Variants in PXK observed in about 807,000 individuals in gnomAD.
PXK encodes PX domain-containing protein kinase-like protein.
Under a neutral mutation model 84.7 loss-of-function variants are expected in PXK, and 35 were observed. That is an observed-to-expected ratio of 0.41 (90% CI 0.32 to 0.55). The LOEUF is 0.55. Among genes scored for constraint, PXK ranks in the 20% least tolerant of loss-of-function variants. The probability of loss-of-function intolerance (pLI) is 0.21; values close to 1 mark genes in which losing one functional copy is unlikely to be tolerated. For missense variants in PXK, 634 were observed against 699.7 expected, an observed-to-expected ratio of 0.91 and a Z score of 1.06; for synonymous variants, 253 against 260.8, an observed-to-expected ratio of 0.97 and a Z score of 0.29.
At chr3:58,424,655 G>C in intron 17 of PXK, 97 bp from the exon 18 acceptor site, 3 of 1,475,944 alleles carry the variant, frequency 2.0e-6, no homozygotes, top group Non-Finnish European at 2.7e-6. Context: ...AAAAACATGT[G>C]GACTCTCACC....
At chr3:58,356,115 G>A (rs907728604) in intron 1 of PXK, among the ~76,000 whole-genome samples, 5 of 152,154 alleles carry the variant, frequency 3.3e-5, no homozygotes, top group Admixed American at 2.6e-4. Flanking sequence ...CAGAAATCAC[G>A]TGGTCCTGGT....
intron 1 of PXK, among the ~76,000 whole-genome samples, chr3:58,365,064 T>C (rs2108421539): frequency 6.6e-6 from 1 of 151,950 alleles, no homozygotes; most frequent in African/African-American, 2.4e-5. Flanking sequence ...TTTGAGTGTA[T>C]TACGCTCTTC....
chr3:58,410,105 G>C lies in PXK; in HGVS notation c.1411G>C (p.Ala471Pro), dbSNP rs749273803. The change falls in exon 16 of 18, where the codon GCT becomes CCT. Residue 471 changes from alanine to proline, a missense_variant. Physicochemically the swap from Ala to Pro is conservative, Grantham distance 27 (BLOSUM62 -1). Around this residue, in one of 3 missense-constraint regions of PXK, gnomAD observed 273 missense variants for 283.6 expected, o/e 0.96. Coordinates refer to ENST00000356151, the MANE Select transcript of PXK (RefSeq NM_017771.5). ...ILARKKSKRS[A>P]LENSEEHSAK... ...ATTCTTAAAGAAGTCAAAACGATCTGCTCTTGAAAATAGTGAAGAGCATTC... is the reference window on the plus strand; with the variant it reads ...ATTCTTAAAGAAGTCAAAACGATCTCCTCTTGAAAATAGTGAAGAGCATTC... The C allele has an allele frequency of 9.4e-6, 15 of 1,597,118 alleles. No homozygotes were observed. In the Admixed American group the frequency reaches 1.2e-4, roughly 12 times the overall value.
intron 2 of PXK, among the ~76,000 whole-genome samples, chr3:58,367,840 G>A (rs1248231179): frequency 6.6e-6 from 1 of 152,046 alleles, no homozygotes; most frequent in East Asian, 1.9e-4. Context: ...GTGCCACTAT[G>A]CCCAACTAAT....
chr3:58,335,310 A>G (rs2097574510), intron 1 of PXK, among the ~76,000 whole-genome samples: 1 of 152,156 alleles, frequency 6.6e-6, no homozygotes, highest in African/African-American at 2.4e-5. Context: ...AAACTGTAGC[A>G]TTGTCTTGCG....
intron 1 of PXK, among the ~76,000 whole-genome samples, chr3:58,338,077 C>T (rs1365468984): frequency 2.6e-5 from 4 of 152,056 alleles, no homozygotes; most frequent in African/African-American, 7.2e-5. Flanking sequence ...CGTGGTGGCT[C>T]GCACTTGTAA....
chr3:58,385,116 T>C lies in PXK; in HGVS notation c.388+2416T>C, dbSNP rs1358132576. On this transcript the variant is annotated intron_variant, in intron 4 of 17. Transcript: ENST00000356151. This position sits in a 1 kb window ranked among gnomAD's most constrained non-coding sequence, Gnocchi z 5.1. Reference sequence around the variant, plus strand: ...CCCCACATGCTGTTGTTGTCTTTGATCTCTACTCCCCCTCCCCACCCCCAG... The same window carrying C: ...CCCCACATGCTGTTGTTGTCTTTGACCTCTACTCCCCCTCCCCACCCCCAG... Among the ~76,000 whole-genome samples, 1 of 152,140 alleles carries C rather than the reference T, an allele frequency of 6.6e-6. No individual in the cohort carries two copies. Among genetic ancestry groups the C allele is most frequent in the Non-Finnish European group, 1.5e-5 (1 of 68,028 alleles).
At chr3:58,408,817 C>A in intron 13 of PXK, 107 bp from the exon 14 acceptor site, 1 of 857,584 alleles carries the variant, frequency 1.2e-6, no homozygotes, top group South Asian at 1.5e-5. Context: ...CCACCGCGCC[C>A]GGCCGAAATG....
At chr3:58,340,660 G>A (rs2097713247) in intron 1 of PXK, among the ~76,000 whole-genome samples, 1 of 151,922 alleles carries the variant, frequency 6.6e-6, no homozygotes, top group South Asian at 2.1e-4. Flanking sequence ...AGGAAGTGGA[G>A]ATTGTAGTGA....
chr3:58,356,674 G>T (rs1220918817), intron 1 of PXK, among the ~76,000 whole-genome samples: 1 of 151,650 alleles, frequency 6.6e-6, no homozygotes, highest in Non-Finnish European at 1.5e-5. Context: ...TGCAATCTCG[G>T]CTCACCACAA....
At chr3:58,349,075 A>T (rs1246197689) in intron 1 of PXK, among the ~76,000 whole-genome samples, 1 of 152,050 alleles carries the variant, frequency 6.6e-6, no homozygotes, top group Non-Finnish European at 1.5e-5. Context: ...AGATACAGAC[A>T]TTAAAAATAT....
At chr3:58,423,444 T>C in intron 17 of PXK, 2 of 1,526,998 alleles carry the variant, frequency 1.3e-6, no homozygotes, top group Non-Finnish European at 1.8e-6. Flanking sequence ...TGTATTTGTG[T>C]GATTCTTTAA....
chr3:58,385,219 C>T lies in PXK; in HGVS notation c.388+2519C>T, dbSNP rs1050507682. ...TAAAAAGACCACCAGAAACTCCTGC[C>T]GGAACCTGTGCTGGCTGCTATTCAG... On this transcript the variant is annotated intron_variant, in intron 4 of 17. Coordinates refer to ENST00000356151, the MANE Select transcript of PXK (RefSeq NM_017771.5). The surrounding 1 kb of genome is among the most constrained non-coding windows in gnomAD (Gnocchi z 5.1). 7.2e-5 allele frequency among the ~76,000 whole-genome samples: 11 copies of T among 152,140 alleles called. No homozygotes were observed. Among genetic ancestry groups the T allele is most frequent in the Non-Finnish European group, 1.5e-4 (10 of 68,016 alleles).
At position 58,425,966 on chromosome 3, in the gene PXK, T is replaced by G. The variant is rs1030221952; in HGVS notation, c.*1006T>G. On this transcript the variant is annotated 3_prime_UTR_variant, in exon 18 of 18. Coordinates refer to ENST00000356151, the MANE Select transcript of PXK (RefSeq NM_017771.5). Reference sequence around the variant, plus strand: ...ACTATGCAGAGAATGTCATTGTGTATAGTTTCATGTAATCTGTTATGTCAG... The same window carrying G: ...ACTATGCAGAGAATGTCATTGTGTAGAGTTTCATGTAATCTGTTATGTCAG... 4 of 152,248 alleles carry G rather than the reference T, an allele frequency of 2.6e-5. No homozygotes were observed. The highest frequency in any genetic ancestry group is 9.6e-5 in the African/African-American group (4 of 41,464). 9.4% of individuals were successfully genotyped at this position (152,248 alleles called of 1,614,324 possible). A position where few individuals can be genotyped will look rare whatever the true frequency, so the allele number is the denominator to read the frequency against.
intron 1 of PXK, among the ~76,000 whole-genome samples, chr3:58,343,027 A>G (rs2097764409): frequency 6.6e-6 from 1 of 152,214 alleles, no homozygotes; most frequent in South Asian, 2.1e-4. Flanking sequence ...GAAATAGGTC[A>G]TTTCTCCTCA....
chr3:58,384,013 C>A (rs2098529382), intron 4 of PXK, among the ~76,000 whole-genome samples: 1 of 152,168 alleles, frequency 6.6e-6, no homozygotes, highest in Non-Finnish European at 1.5e-5. Context: ...AGTAGAATCA[C>A]CTGGGGAGCG....
intron 13 of PXK, among the ~76,000 whole-genome samples, chr3:58,408,138 C>T (rs187413670): frequency 1.3e-5 from 2 of 152,330 alleles, no homozygotes; most frequent in Admixed American, 1.3e-4. Context: ...TCCTTTCCCC[C>T]ATTGTATGTT....
chr3:58,422,570 A>G (rs1165731043), intron 17 of PXK: 1 of 985,246 alleles, frequency 1.0e-6, no homozygotes, highest in African/African-American at 1.7e-5. Context: ...ATGTCCATTT[A>G]CTTGGACAGT....
intron 4 of PXK, among the ~76,000 whole-genome samples, chr3:58,388,859 T>C (rs1318020358): frequency 1.3e-5 from 2 of 152,142 alleles, no homozygotes; most frequent in Non-Finnish European, 1.5e-5. Context: ...TTTTGACATA[T>C]GGAGAGCATT....
Sources: allele counts gnomAD v4.1 joint callset (sites outside exome capture counted in the v4.1 genomes callset), GRCh38; gene constraint gnomAD v4.1.1; regional missense constraint gnomAD v4.1.1; non-coding constraint Gnocchi (gnomAD v3.1); transcripts MANE v1.5; gene names NCBI Gene and HGNC (gene_info 2026-07-23, HGNC 2026-07-21).